OPRM1: variants seen among roughly 807,000 people sequenced by gnomAD.
OPRM1 encodes mu-type opioid receptor.
Under a neutral mutation model 31.8 loss-of-function variants are expected in OPRM1, and 27 were observed. The ratio of observed to expected loss-of-function variants is 0.85; its 90% confidence interval spans 0.63 to 1.17. OPRM1 has a LOEUF of 1.17. Among genes scored for constraint, OPRM1 ranks in the 50% most tolerant of loss-of-function variants. OPRM1 has a pLI of 0.00. For synonymous variants in OPRM1, 196 were observed against 189.9 expected (o/e 1.03, Z -0.26); for missense variants, 536 against 511.1 (o/e 1.05, Z -0.47).
At chr6:154,212,573 C>T (rs1157536940) in intron 3 of OPRM1, among the ~76,000 whole-genome samples, 1 of 152,142 alleles carries the variant, frequency 6.6e-6, no homozygotes, top group Admixed American at 6.5e-5. Flanking sequence ...CACAAATATA[C>T]CAAGTTTATC....
intron 3 of OPRM1, chr6:154,158,436 C>A (rs1371802287): frequency 6.6e-6 from 1 of 152,054 alleles, no homozygotes; most frequent in African/African-American, 2.4e-5. Flanking sequence ...AGTTGTGTTG[C>A]CTTTGGTCTA....
chr6:154,145,729 A>G (rs998163884), intron 3 of OPRM1, among the ~76,000 whole-genome samples: 5 of 152,248 alleles, frequency 3.3e-5, no homozygotes, highest in Non-Finnish European at 7.3e-5. Context: ...CCCTATTTCG[A>G]TACTTATGTA....
chr6:154,223,409 G>A (rs940885302), intron 3 of OPRM1, among the ~76,000 whole-genome samples: 1 of 152,156 alleles, frequency 6.6e-6, no homozygotes, highest in African/African-American at 2.4e-5. Context: ...CACAGCTCAT[G>A]AGAAAGATTA....
chr6:154,060,481 C>T lies in OPRM1; in HGVS notation c.290+20647C>T, dbSNP rs1784177772. Among the ~76,000 whole-genome samples the T allele has an allele frequency of 2.0e-5, 3 of 152,192 alleles. No individual in the cohort carries two copies. The South Asian group carries it at 6.2e-4, about 32-fold the overall frequency. ...GTATGGAAACCTAGTCCATTCAACT[C>T]CCATGCCAAATTCTTCCCATAGACT... On this transcript the variant is annotated intron_variant, in intron 1 of 3. Coordinates refer to ENST00000330432, the MANE Select transcript of OPRM1 (RefSeq NM_000914.5).
chr6:154,018,027 A>AACC (rs1453900939), intron 1 of OPRM1, among the ~76,000 whole-genome samples: 3 of 152,192 alleles, frequency 2.0e-5, no homozygotes, highest in African/African-American at 7.2e-5. Flanking sequence ...TCCCCAGGGA[A>AACC]ACCACAGACA....
At chr6:154,052,274 C>T (rs139388779) in intron 1 of OPRM1, among the ~76,000 whole-genome samples, 1 of 152,176 alleles carries the variant, frequency 6.6e-6, no homozygotes, top group Non-Finnish European at 1.5e-5. Flanking sequence ...AGCAAACCAC[C>T]GTGGCACAAG....
At chr6:154,066,221 A>G (rs1414219761) in intron 1 of OPRM1, among the ~76,000 whole-genome samples, 1 of 152,044 alleles carries the variant, frequency 6.6e-6, no homozygotes, top group Admixed American at 6.6e-5. Flanking sequence ...ACATTGGTTT[A>G]CTGTTTTCTT....
At position 154,089,965 on chromosome 6, in the gene OPRM1, A is replaced by T. The variant is rs749759242; in HGVS notation, c.430A>T (p.Ile144Leu). 4.3e-6 allele frequency: 7 copies of T among 1,614,126 alleles called. No individual in the cohort carries two copies. The East Asian group carries it at 1.6e-4, about 36-fold the overall frequency. ...TWPFGTILCK[I>L]VISIDYYNMF... ...GCCATTTGGAACCATCCTTTGCAAG[A>T]TAGTGATCTCCATAGATTACTATAA... Residue 144 changes from isoleucine to leucine, a missense_variant, in exon 2 of 4, where the codon ATA (isoleucine) becomes TTA (leucine). Transcript: ENST00000330432.
rs1797645895 is a variant in OPRM1, at chr6:154,127,287, C to G, written c.*8566C>G. On this transcript the variant is annotated 3_prime_UTR_variant, in exon 4 of 4. Transcript: ENST00000330432. Reference sequence around the variant, plus strand: ...CAGTGGCCATTATCATCTAAGGATTCCGCCAGAGACTTCCAAAAGAAGAGG... The same window carrying G: ...CAGTGGCCATTATCATCTAAGGATTGCGCCAGAGACTTCCAAAAGAAGAGG... 6.6e-6 allele frequency among the ~76,000 whole-genome samples: 1 copy of G among 152,108 alleles called. No homozygotes were observed. Among genetic ancestry groups the G allele is most frequent in the Non-Finnish European group, 1.5e-5 (1 of 68,018 alleles).
At chr6:154,232,033 T>C (rs574549304) in intron 3 of OPRM1, among the ~76,000 whole-genome samples, 13 of 152,322 alleles carry the variant, frequency 8.5e-5, no homozygotes, top group African/African-American at 3.1e-4. Flanking sequence ...TTATCATTTT[T>C]ACATAGTCTT....
chr6:154,092,100 A>T, intron 3 of OPRM1: 1 of 210,496 alleles, frequency 4.8e-6, no homozygotes, highest in Non-Finnish European at 8.2e-6. Context: ...AATAAATTTT[A>T]TTAGATTAAA....
intron 3 of OPRM1, chr6:154,092,099 TATTAG>T (rs1792393396): frequency 4.7e-6 from 1 of 211,776 alleles, no homozygotes; most frequent in Non-Finnish European, 8.1e-6. Flanking sequence ...TAATAAATTT[TATTAG>T]ATTAAACAAT....
At chr6:154,211,781 T>C (rs939587227) in intron 3 of OPRM1, among the ~76,000 whole-genome samples, 6 of 152,186 alleles carry the variant, frequency 3.9e-5, no homozygotes, top group African/African-American at 7.2e-5. Context: ...TTATTTTTCA[T>C]AGCAAAAAGC....
At chr6:154,010,915 A>T in exon 1 of OPRM1, 1 of 1,312,426 alleles carries the variant, frequency 7.6e-7, no homozygotes, top group South Asian at 1.2e-5. Context: ...CTTACATCCC[A>T]TCAAAATGTT....
chr6:154,164,619 G>T (rs978014402), intron 3 of OPRM1, among the ~76,000 whole-genome samples: 1 of 152,168 alleles, frequency 6.6e-6, no homozygotes, highest in Non-Finnish European at 1.5e-5. Context: ...AGAGAATGCT[G>T]TACTTTCAGT....
chr6:154,050,871 C>T (rs558072477), intron 1 of OPRM1, among the ~76,000 whole-genome samples: 2 of 151,758 alleles, frequency 1.3e-5, no homozygotes, highest in East Asian at 1.9e-4. Context: ...CCAAGTACCC[C>T]GTAAATATAT....
chr6:154,192,043 G>C (rs1167111845), intron 3 of OPRM1, among the ~76,000 whole-genome samples: 1 of 152,124 alleles, frequency 6.6e-6, no homozygotes, highest in African/African-American at 2.4e-5. Flanking sequence ...ATAAAACAAT[G>C]AAAATGAATG....
chr6:154,131,848 G>T lies in OPRM1; in HGVS notation c.*13127G>T, dbSNP rs902881964. Among the ~76,000 whole-genome samples the T allele has an allele frequency of 1.3e-5, 2 of 150,666 alleles. No individual in the cohort carries two copies. The highest frequency in any genetic ancestry group is 4.9e-5 in the African/African-American group (2 of 40,894). On this transcript the variant is annotated 3_prime_UTR_variant, in exon 4 of 4. Transcript: ENST00000330432. ...GCCTATAGAGACAAATACATATATT[G>T]TTTGTTGTGATAATGCACAAAAAGG...
intron 3 of OPRM1, among the ~76,000 whole-genome samples, chr6:154,111,687 T>A (rs1357350067): frequency 6.6e-6 from 1 of 152,210 alleles, no homozygotes; most frequent in African/African-American, 2.4e-5. Flanking sequence ...TTAATTTTTT[T>A]AAACAGGACC....
Sources: gnomAD v4.1 joint callset for allele counts (sites outside exome capture counted in the v4.1 genomes callset) on GRCh38, gnomAD v4.1.1 for gene constraint, MANE v1.5 for transcripts, NCBI Gene and HGNC (gene_info 2026-07-23, HGNC 2026-07-21) for gene names.